The following SMIM14 variants were observed in gnomAD, a reference collection of about 807,000 sequenced individuals.
The protein encoded by SMIM14 is chromosome 4 open reading frame 34.
In SMIM14, 5 loss-of-function variants were observed where a neutral mutation model predicts 12.6. The ratio of observed to expected loss-of-function variants is 0.40; its 90% CI spans 0.21 to 0.83. The LOEUF (loss-of-function observed/expected upper bound fraction) is 0.83, where lower values mean the gene tolerates loss of function less well. Ranked by LOEUF, SMIM14 falls within the 40% of genes least tolerant of loss-of-function variation. SMIM14 has a pLI of 0.37. For missense variants in SMIM14, 86 were observed against 119.1 expected, an observed-to-expected ratio of 0.72 and a Z score of 1.29; for synonymous variants, 30 against 40.1, an observed-to-expected ratio of 0.75 and a Z score of 0.95.
intron 1 of SMIM14, among the ~76,000 whole-genome samples, chr4:39,636,985 C>T (rs1716120494): frequency 6.6e-6 from 1 of 152,162 alleles, no homozygotes; most frequent in African/African-American, 2.4e-5. Flanking sequence ...GGGGGCACTA[C>T]TGTGTAGTGA....
At chr4:39,622,171 C>T (rs570658743) in intron 1 of SMIM14, among the ~76,000 whole-genome samples, 304 of 151,320 alleles carry the variant, frequency 2.0e-3, no homozygotes, top group Non-Finnish European at 3.6e-3. Context: ...GCAAGCTCCG[C>T]CTCCCGGGTT....
chr4:39,635,893 C>G (rs1330231963), intron 1 of SMIM14, among the ~76,000 whole-genome samples: 1 of 151,942 alleles, frequency 6.6e-6, no homozygotes, highest in African/African-American at 2.4e-5. Flanking sequence ...GTGATGTGGG[C>G]CAGGTGAAGT....
chr4:39,558,266 T>C lies in SMIM14; in HGVS notation c.125-1696A>G, dbSNP rs1447288582. On this transcript the variant is annotated intron_variant, in intron 3 of 4. Coordinates refer to ENST00000295958, the MANE Select transcript of SMIM14 (RefSeq NM_174921.3). This position sits in a 1 kb window ranked among gnomAD's most constrained non-coding sequence, Gnocchi z 4.3. Reference sequence around the variant, plus strand: ...ACTTTGGAAGGCCAAGATGGGTGGATTGCTTGAGCTCAGGAATTCGAGACC... The same window carrying C: ...ACTTTGGAAGGCCAAGATGGGTGGACTGCTTGAGCTCAGGAATTCGAGACC... Among the ~76,000 whole-genome samples the C allele has an allele frequency of 1.3e-5, 2 of 152,196 alleles. No individual in the cohort carries two copies. Among genetic ancestry groups the C allele is most frequent in the African/African-American group, 2.4e-5 (1 of 41,456 alleles).
At chr4:39,632,813 A>G (rs1715957584) in intron 1 of SMIM14, among the ~76,000 whole-genome samples, 1 of 151,292 alleles carries the variant, frequency 6.6e-6, no homozygotes, top group South Asian at 2.1e-4. Context: ...ACACACACAC[A>G]CACACACACA....
intron 2 of SMIM14, among the ~76,000 whole-genome samples, chr4:39,598,178 T>C (rs958579961): frequency 2.0e-5 from 3 of 152,356 alleles, no homozygotes; most frequent in Middle Eastern, 3.4e-3. Context: ...TTATACTGCA[T>C]AGAAGGGAAA....
rs184867973 is a variant in SMIM14 at position 39,631,483 on chromosome 4, T to C, written c.-36+7256A>G. Among the ~76,000 whole-genome samples, 864 of 147,432 alleles carry C rather than the reference T, an allele frequency of 5.9e-3. 21 individuals carry two copies. Among genetic ancestry groups the C allele is most frequent in the Admixed American group, 0.046 (671 of 14,712 alleles). On this transcript the variant is annotated intron_variant, in intron 1 of 4. Coordinates refer to ENST00000295958, the MANE Select transcript of SMIM14 (RefSeq NM_174921.3). ...ACCATCCTGGCTAACATGGTGAAAC[T>C]CCGTCTCTACTAAAAATACAAAAAA...
intron 2 of SMIM14, among the ~76,000 whole-genome samples, chr4:39,578,213 T>C (rs562794091): frequency 6.6e-6 from 1 of 152,318 alleles, no homozygotes; most frequent in African/African-American, 2.4e-5. Flanking sequence ...AGCAGCACAA[T>C]CATAGCTCAC....
At chr4:39,577,111 A>G (rs555191321) in intron 2 of SMIM14, among the ~76,000 whole-genome samples, 2 of 152,014 alleles carry the variant, frequency 1.3e-5, no homozygotes, top group Non-Finnish European at 2.9e-5. Flanking sequence ...GCACTTTGGG[A>G]GGCCAAGGCA....
chr4:39,559,888 G>A (rs914517990), intron 3 of SMIM14, among the ~76,000 whole-genome samples: 22 of 151,854 alleles, frequency 1.4e-4, no homozygotes, highest in Non-Finnish European at 8.8e-5. Flanking sequence ...AGGCCAAGGC[G>A]GGCAGATCCC....
chr4:39,604,625 T>A (rs1260477460), intron 2 of SMIM14, among the ~76,000 whole-genome samples: 1 of 152,074 alleles, frequency 6.6e-6, no homozygotes, highest in Admixed American at 6.5e-5. Flanking sequence ...ACTTTTTTTT[T>A]TTTGAGACAG....
At chr4:39,621,635 A>AAAT (rs1187685915) in intron 1 of SMIM14, among the ~76,000 whole-genome samples, 1 of 152,060 alleles carries the variant, frequency 6.6e-6, no homozygotes, top group Non-Finnish European at 1.5e-5. Context: ...AGCTAAAAAG[A>AAAT]AATATTTAAA....
At chr4:39,570,954 C>T (rs1712848573) in intron 3 of SMIM14, among the ~76,000 whole-genome samples, 1 of 152,116 alleles carries the variant, frequency 6.6e-6, no homozygotes, top group Admixed American at 6.5e-5. Flanking sequence ...GAATGTCATA[C>T]TTTCCTTCTT....
intron 1 of SMIM14, among the ~76,000 whole-genome samples, chr4:39,625,408 G>A (rs887204521): frequency 6.6e-6 from 1 of 151,498 alleles, no homozygotes; most frequent in African/African-American, 2.4e-5. Flanking sequence ...CTAAACTCAC[G>A]CAGGATTAAA....
At chr4:39,567,269 C>CT (rs1560285750) in intron 3 of SMIM14, among the ~76,000 whole-genome samples, 1 of 148,002 alleles carries the variant, frequency 6.8e-6, no homozygotes, top group African/African-American at 2.5e-5. Context: ...CAGATTACAA[C>CT]TTTATCAGGA....
chr4:39,594,389 C>T (rs1379184507), intron 2 of SMIM14: 8 of 152,062 alleles, frequency 5.3e-5, no homozygotes, highest in African/African-American at 1.9e-4. Flanking sequence ...TTACACCTTA[C>T]ACAAAAATTA....
chr4:39,582,425 G>A (rs1713557096), intron 2 of SMIM14, among the ~76,000 whole-genome samples: 1 of 151,054 alleles, frequency 6.6e-6, no homozygotes, highest in Admixed American at 6.6e-5. Context: ...AGCACTTTGG[G>A]AAGCCGAGGC....
At chr4:39,571,646 G>C (rs1479922187) in intron 3 of SMIM14, among the ~76,000 whole-genome samples, 1 of 152,118 alleles carries the variant, frequency 6.6e-6, no homozygotes, top group Non-Finnish European at 1.5e-5. Context: ...GATGCAAATA[G>C]ATGTTAGGGA....
At chr4:39,608,452 G>C (rs1165997779) in intron 1 of SMIM14, among the ~76,000 whole-genome samples, 1 of 152,178 alleles carries the variant, frequency 6.6e-6, no homozygotes, top group Non-Finnish European at 1.5e-5. Context: ...ACATACAATG[G>C]GGATATTCAG....
At chr4:39,614,958 A>G (rs1715165284) in intron 1 of SMIM14, among the ~76,000 whole-genome samples, 1 of 152,230 alleles carries the variant, frequency 6.6e-6, no homozygotes, top group Non-Finnish European at 1.5e-5. Context: ...GTTGAGTCAT[A>G]CTGTTGCTAT....
Sources: allele counts gnomAD v4.1 joint callset (sites outside exome capture counted in the v4.1 genomes callset), GRCh38; gene constraint gnomAD v4.1.1; non-coding constraint Gnocchi (gnomAD v3.1); transcripts MANE v1.5; gene names NCBI Gene and HGNC (gene_info 2026-07-23, HGNC 2026-07-21).